The following MYH14 variants were observed in gnomAD, a reference collection of about 807,000 sequenced individuals.
MYH14 encodes myosin heavy chain 14, also known as myosin-14.
MYH14 carries 123 observed loss-of-function variants against 255.5 expected under a neutral mutation model. The ratio of observed to expected loss-of-function variants is 0.48; its 90% CI spans 0.42 to 0.56. The LOEUF is 0.56. MYH14 is among the 20% of genes least tolerant of loss of function. MYH14 has a pLI of 0.00. For synonymous variants in MYH14, 1,095 were observed against 1,161.2 expected (o/e 0.94, Z 1.16); for missense variants, 2,423 against 2,802.3 (o/e 0.86, Z 3.06).
At chr19:50,270,001 C>T (rs2035234303) in intron 24 of MYH14, among the ~76,000 whole-genome samples, 1 of 152,064 alleles carries the variant, frequency 6.6e-6, no homozygotes. Context: ...TCTCTTAAGC[C>T]CAGAGGTTCA....
rs1015757078 is a variant in MYH14, at chr19:50,229,479, A to C, written c.875-1046A>C. On this transcript the variant is annotated intron_variant, in intron 8 of 42. Transcript: ENST00000642316. ...TCAGACCTCCTCTCTACTAAAATAAAGAAAATTTAAAAATTAGCCAGGTGT... is the reference window on the plus strand; with the variant it reads ...TCAGACCTCCTCTCTACTAAAATAACGAAAATTTAAAAATTAGCCAGGTGT... Among the ~76,000 whole-genome samples the C allele has an allele frequency of 2.3e-4, 35 of 152,100 alleles. 1 individual carries two copies.
chr19:50,230,786 GTCTGTCGCACGGTGGGT>G lies in MYH14; in HGVS notation c.973+168_973+184del. Reference sequence around the variant, plus strand: ...GCCCCTGCTCTCGCTGCGTAGTGGCGTCTGTCGCACGGTGGGTTCTGCTGCGCTCTGGTTCCAGCTCT... The same window carrying G: ...GCCCCTGCTCTCGCTGCGTAGTGGCGTCTGCTGCGCTCTGGTTCCAGCTCT... On this transcript the variant is annotated intron_variant, in intron 9 of 42. Transcript: ENST00000642316. The surrounding 1 kb of genome is among the most constrained non-coding windows in gnomAD (Gnocchi z 4.7). The G allele has an allele frequency of 1.6e-6, 1 of 631,742 alleles. No individual in the cohort carries two copies. Among genetic ancestry groups the G allele is most frequent in the Non-Finnish European group, 2.8e-6 (1 of 358,458 alleles). The allele number at this position is 631,742 out of a possible 1,614,324, so 39.1% of individuals were successfully genotyped here.
At chr19:50,231,901 G>A in intron 9 of MYH14, 29 bp from the exon 10 acceptor site, 1 of 1,613,040 alleles carries the variant, frequency 6.2e-7, no homozygotes, top group Non-Finnish European at 8.5e-7. Flanking sequence ...GCCCACCTTT[G>A]ACCTTGACCC....
Position 50,278,285 on chromosome 19 carries a change from C to A in MYH14, c.4028C>A (p.Ala1343Asp). ...RAEAAEKLQR[A>D]QAELENVSGA... The stretch of plus-strand genomic sequence containing the variant: ...GAGGCTGCTGAGAAGCTGCAGCGAG[C>A]CCAGGTAAGTGGGGTGGGCAGGGCA... Residue 1343 changes from alanine to aspartate, a missense_variant, in exon 30 of 43, where the codon GCC becomes GAC. Transcript: ENST00000642316. The A allele has an allele frequency of 6.5e-7, 1 of 1,545,332 alleles. No homozygotes were observed. The highest frequency in any genetic ancestry group is 8.7e-7 in the Non-Finnish European group (1 of 1,143,044).
At chr19:50,236,065 C>T (rs2033644003) in intron 10 of MYH14, among the ~76,000 whole-genome samples, 1 of 151,674 alleles carries the variant, frequency 6.6e-6, no homozygotes, top group Non-Finnish European at 1.5e-5. Context: ...AGCGCAGTGG[C>T]TCACGCCTGT....
intron 11 of MYH14, among the ~76,000 whole-genome samples, chr19:50,245,351 G>A (rs543220508): frequency 4.0e-5 from 6 of 150,648 alleles, no homozygotes; most frequent in South Asian, 2.1e-4. Flanking sequence ...CCCAGGAGGC[G>A]GAGGTTGCAG....
chr19:50,240,100 A>G (rs932967943), intron 10 of MYH14, among the ~76,000 whole-genome samples: 1 of 152,170 alleles, frequency 6.6e-6, no homozygotes, highest in Non-Finnish European at 1.5e-5. Flanking sequence ...CACGGTGTGC[A>G]GTTTCTCACC....
At chr19:50,279,137 C>A (rs1466193875) in intron 30 of MYH14, among the ~76,000 whole-genome samples, 1 of 152,052 alleles carries the variant, frequency 6.6e-6, no homozygotes, top group Non-Finnish European at 1.5e-5. Context: ...TAGCTATCAT[C>A]CCCCACTTCT....
intron 10 of MYH14, among the ~76,000 whole-genome samples, chr19:50,240,628 C>T (rs2033854726): frequency 6.6e-6 from 1 of 151,124 alleles, no homozygotes; most frequent in Non-Finnish European, 1.5e-5. Flanking sequence ...AAAATGGAAG[C>T]ACAGAAATTA....
In MYH14 at chr19:50,281,720, G is replaced by C; in HGVS notation, c.4417G>C (p.Val1473Leu). ...TQRLAEKTET[V>L]DRLERGRRRL... ...GCGCCTGGCAGAAAAGACAGAGACC[G>C]TGGATCGGCTGGAGCGGGGCCGCCG... The change falls in exon 33 of 43, where the codon GTG becomes CTG. Residue 1473 changes from valine (V) to leucine (L), a missense_variant. Coordinates refer to ENST00000642316, the MANE Select transcript of MYH14 (RefSeq NM_001145809.2). 1.2e-6 allele frequency: 2 copies of C among 1,612,528 alleles called. No homozygotes were observed. The highest frequency in any genetic ancestry group is 1.7e-6 in the Non-Finnish European group (2 of 1,179,714).
chr19:50,205,338 C>A, intron 1 of MYH14: 1 of 154,308 alleles, frequency 6.5e-6, no homozygotes, highest in Non-Finnish European at 1.4e-5. Flanking sequence ...GCAACAGGCT[C>A]AACCCCCGCC....
At chr19:50,246,442 C>T (rs554664024) in intron 11 of MYH14, among the ~76,000 whole-genome samples, 3 of 152,178 alleles carry the variant, frequency 2.0e-5, no homozygotes, top group Middle Eastern at 3.4e-3. Context: ...CACCGTGCCC[C>T]GCCTCCAGTG....
At chr19:50,218,747 C>G (rs1175048947) in intron 3 of MYH14, among the ~76,000 whole-genome samples, 1 of 151,952 alleles carries the variant, frequency 6.6e-6, no homozygotes, top group African/African-American at 2.4e-5. Context: ...TGTAATCTAT[C>G]CCTCACCACC....
In MYH14 at chr19:50,210,668, G is replaced by A. The variant is rs756526894; in HGVS notation, c.303G>A (p.Pro101=). The change falls in exon 2 of 43, where the codon CCG becomes CCA. Residue 101 remains proline (P), a synonymous_variant. Transcript: ENST00000642316. ...GGGACCAGATCCAGCGCATGAACCC[G>A]CCCAAGTTCAGCAAGGCCGAGGACA... ...LPRDQIQRMN[P]PKFSKAEDMA... The A allele has an allele frequency of 1.9e-5, 30 of 1,571,114 alleles. No homozygotes were observed. The highest frequency in any genetic ancestry group is 4.1e-5 in the African/African-American group (3 of 73,532).
chr19:50,238,402 C>T (rs998243761), intron 10 of MYH14, among the ~76,000 whole-genome samples: 12 of 152,244 alleles, frequency 7.9e-5, no homozygotes, highest in African/African-American at 2.9e-4. Flanking sequence ...GGGCCAGATG[C>T]ACTGTGGGTC....
At position 50,230,655 on chromosome 19, in the gene MYH14, C is replaced by T. The variant is rs999307890; in HGVS notation, c.973+32C>T. ...GCCGCCCCGTCCTACCCTGCTCACC[C>T]GGGAGAGGGTGGGCACCATGTCTCT... On this transcript the variant is annotated intron_variant, in intron 9 of 42. Transcript: ENST00000642316. This position sits in a 1 kb window ranked among gnomAD's most constrained non-coding sequence, Gnocchi z 4.7. 1 of 1,537,028 alleles carries T rather than the reference C, an allele frequency of 6.5e-7. No homozygotes were observed. The highest frequency in any genetic ancestry group is 1.7e-4 in the Middle Eastern group (1 of 5,954).
In MYH14 at chr19:50,309,975, A is replaced by C. The variant is rs2036804341; in HGVS notation, c.*185A>C. 4.3e-6 allele frequency: 3 copies of C among 695,424 alleles called. No individual in the cohort carries two copies. The highest frequency in any genetic ancestry group is 7.5e-6 in the Non-Finnish European group (3 of 398,330). The allele number at this position is 695,424 out of a possible 1,614,324, so 43.1% of individuals were successfully genotyped here. On this transcript the variant is annotated 3_prime_UTR_variant, in exon 43 of 43. Transcript: ENST00000642316. ...CCTCCCATCAAAGGATGACCCCTAA[A>C]CACAGAGGAGCGGGGCAGGCAGGGA...
rs1319522599 is a variant in MYH14, at chr19:50,251,569, CAT to C, written c.1830+890_1830+891del. On this transcript the variant is annotated intron_variant, in intron 15 of 42. Coordinates refer to ENST00000642316, the MANE Select transcript of MYH14 (RefSeq NM_001145809.2). ...ACACACACACACACACACACACACACATATATATATGTATTTTTTTTTATTTG... is the reference window on the plus strand; with the variant it reads ...ACACACACACACACACACACACACACATATATATGTATTTTTTTTTATTTG... 8.1e-3 allele frequency among the ~76,000 whole-genome samples: 982 copies of C among 121,138 alleles called. 9 individuals carry two copies. The highest frequency in any genetic ancestry group is 0.029 in the African/African-American group (896 of 30,994). 79.5% of individuals were successfully genotyped at this position (121,138 alleles called of 152,430 possible). A position where few individuals can be genotyped will look rare whatever the true frequency, so the allele number is the denominator to read the frequency against.
chr19:50,217,805 C>T (rs370174246), intron 3 of MYH14, 34 bp downstream of exon 3: 20 of 1,603,970 alleles, frequency 1.2e-5, no homozygotes, highest in South Asian at 3.3e-5. Flanking sequence ...GCCAGCGAGG[C>T]GGCTCTTCAA....
Sources: gnomAD v4.1 joint callset for allele counts (sites outside exome capture counted in the v4.1 genomes callset) on GRCh38, gnomAD v4.1.1 for gene constraint, Gnocchi (gnomAD v3.1) non-coding constraint, MANE v1.5 for transcripts, NCBI Gene and HGNC (gene_info 2026-07-23, HGNC 2026-07-21) for gene names.